SLC39A10: variants seen among roughly 807,000 people sequenced by gnomAD.
The protein encoded by SLC39A10 is solute carrier family 39 member 10, also known as zinc transporter ZIP10.
SLC39A10 carries 13 observed loss-of-function variants against 65.1 expected under a neutral mutation model. The observed-to-expected ratio is 0.20, with a 90% CI of 0.13 to 0.32. SLC39A10 has a LOEUF of 0.32. Among genes scored for constraint, SLC39A10 ranks in the 10% least tolerant of loss-of-function variants. The pLI is 1.00. For synonymous variants in SLC39A10, 321 were observed against 342.2 expected, an observed-to-expected ratio of 0.94 and a Z score of 0.68; for missense variants, 831 against 1,018.4, an observed-to-expected ratio of 0.82 and a Z score of 2.50.
chr2:195,700,318 C>A (rs1559040174), intron 3 of SLC39A10, among the ~76,000 whole-genome samples: 1 of 152,052 alleles, frequency 6.6e-6, no homozygotes, highest in African/African-American at 2.4e-5. Flanking sequence ...TAATGTCTTC[C>A]ATTGTATTTA....
chr2:195,633,293 G>T (rs1416174540), intron 2 of SLC39A10, among the ~76,000 whole-genome samples: 1 of 152,252 alleles, frequency 6.6e-6, no homozygotes, highest in Non-Finnish European at 1.5e-5. Flanking sequence ...TCAACCCCTC[G>T]TGGGAGGGAG....
intron 8 of SLC39A10, 101 bp downstream of exon 8, chr2:195,718,433 C>T (rs1691898793): frequency 1.3e-6 from 1 of 748,638 alleles, no homozygotes; most frequent in Non-Finnish European, 2.2e-6. Context: ...TAAAAAATGG[C>T]TGATGGCAAC....
intron 9 of SLC39A10, among the ~76,000 whole-genome samples, chr2:195,729,646 C>T (rs536319664): frequency 1.6e-4 from 25 of 152,304 alleles, no homozygotes; most frequent in Admixed American, 1.0e-3. Flanking sequence ...CTTTCCCACA[C>T]CATTTCCCCC....
At chr2:195,630,163 T>A (rs1050972002) in intron 2 of SLC39A10, among the ~76,000 whole-genome samples, 19 of 149,502 alleles carry the variant, frequency 1.3e-4, no homozygotes, top group Non-Finnish European at 2.1e-4. Flanking sequence ...TTTTTTTTTT[T>A]AATAAACTGA....
chr2:195,731,943 C>T (rs918294627), intron 9 of SLC39A10, among the ~76,000 whole-genome samples: 16 of 152,170 alleles, frequency 1.1e-4, no homozygotes, highest in African/African-American at 3.1e-4. Context: ...AACCTCACTA[C>T]GTGGTTCTTT....
chr2:195,626,112 T>C (rs952088654), intron 2 of SLC39A10, among the ~76,000 whole-genome samples: 4 of 152,144 alleles, frequency 2.6e-5, no homozygotes, highest in African/African-American at 9.7e-5. Context: ...AAAGAGAAGC[T>C]CTTAATTTAA....
At chr2:195,681,382 G>A (rs933742144) in intron 2 of SLC39A10, among the ~76,000 whole-genome samples, 10 of 151,986 alleles carry the variant, frequency 6.6e-5, no homozygotes, top group East Asian at 5.8e-4. Context: ...AAAAATTAGC[G>A]GGGCATGGTG....
chr2:195,652,129 A>T (rs1447864894), upstream of SLC39A10, among the ~76,000 whole-genome samples: 1 of 152,166 alleles, frequency 6.6e-6, no homozygotes. Flanking sequence ...TCTTAGGTGG[A>T]TTCGAAGATT....
intron 2 of SLC39A10, 51 bp from the exon 3 acceptor site, chr2:195,683,648 A>T (rs1473771099): frequency 2.1e-6 from 3 of 1,408,570 alleles, no homozygotes; most frequent in Admixed American, 3.8e-5. Flanking sequence ...TTTTTTGCAT[A>T]ATCTCCTTAA....
intron 1 of SLC39A10, among the ~76,000 whole-genome samples, chr2:195,677,979 C>T (rs1351090918): frequency 6.6e-6 from 1 of 152,136 alleles, no homozygotes; most frequent in Non-Finnish European, 1.5e-5. Flanking sequence ...AACTCCTGAC[C>T]TCAGGTGATC....
intron 2 of SLC39A10, among the ~76,000 whole-genome samples, chr2:195,614,700 C>CA (rs887498436): frequency 6.6e-6 from 1 of 152,136 alleles, no homozygotes; most frequent in African/African-American, 2.4e-5. Context: ...TGGGAAGCCT[C>CA]AGTTATCTTT....
chr2:195,675,142 A>G (rs1690033011), intron 1 of SLC39A10, among the ~76,000 whole-genome samples: 1 of 152,226 alleles, frequency 6.6e-6, no homozygotes, highest in South Asian at 2.1e-4. Context: ...CTCCCTGGAT[A>G]AAAAGAGAGA....
intron 3 of SLC39A10, among the ~76,000 whole-genome samples, chr2:195,704,487 A>C (rs937403746): frequency 6.6e-5 from 10 of 152,204 alleles, no homozygotes; most frequent in African/African-American, 2.4e-4. Flanking sequence ...AGTTTTGACA[A>C]ACCATTTTTG....
chr2:195,733,069 A>G (rs1692478446), intron 9 of SLC39A10, among the ~76,000 whole-genome samples: 1 of 152,208 alleles, frequency 6.6e-6, no homozygotes, highest in Admixed American at 6.5e-5. Context: ...AAAATATACC[A>G]TAGCACTGTC....
At chr2:195,704,345 G>A (rs1574292230) in intron 3 of SLC39A10, among the ~76,000 whole-genome samples, 1 of 152,136 alleles carries the variant, frequency 6.6e-6, no homozygotes, top group East Asian at 1.9e-4. Context: ...ATATTACTGT[G>A]TAAGATACAG....
At chr2:195,657,313 C>A (rs537834592) in intron 1 of SLC39A10, 32 bp downstream of exon 1, 10 of 881,418 alleles carry the variant, frequency 1.1e-5, no homozygotes, top group African/African-American at 1.8e-5. Context: ...GTTTACATTC[C>A]CTCCCCCAGA....
At chr2:195,617,373 C>T (rs951292874) in intron 2 of SLC39A10, among the ~76,000 whole-genome samples, 3 of 151,786 alleles carry the variant, frequency 2.0e-5, no homozygotes, top group Non-Finnish European at 2.9e-5. Context: ...CCAGCCTGGC[C>T]AATATGGTGA....
chr2:195,733,488 T>C (rs1692490040), intron 9 of SLC39A10, among the ~76,000 whole-genome samples: 1 of 152,200 alleles, frequency 6.6e-6, no homozygotes, highest in Non-Finnish European at 1.5e-5. Context: ...TTCTTAGATG[T>C]AATAGTATGT....
chr2:195,689,321 C>T lies in SLC39A10; in HGVS notation c.1216+5415C>T, dbSNP rs529660517. On this transcript the variant is annotated intron_variant, in intron 3 of 9. Coordinates refer to ENST00000359634, the MANE Select transcript of SLC39A10 (RefSeq NM_020342.3). ...CCGGTGGTCCCACCTACTTAGGAGG[C>T]GGAGGCAGGAGGATGACCTTAGCGT... Among the ~76,000 whole-genome samples the T allele has an allele frequency of 1.1e-3, 170 of 151,902 alleles. 2 individuals are homozygous for T. The highest frequency in any genetic ancestry group is 3.8e-3 in the African/African-American group (158 of 41,406).
Sources: gnomAD v4.1 joint callset for allele counts (sites outside exome capture counted in the v4.1 genomes callset) on GRCh38, gnomAD v4.1.1 for gene constraint, MANE v1.5 for transcripts, NCBI Gene and HGNC (gene_info 2026-07-23, HGNC 2026-07-21) for gene names.